Variants in CADPS observed in about 807,000 individuals in gnomAD.
The protein encoded by CADPS is calcium dependent secretion activator.
CADPS carries 57 observed loss-of-function variants against 167.3 expected under a neutral mutation model. That is an observed-to-expected ratio of 0.34 (90% CI 0.28 to 0.42). The LOEUF (loss-of-function observed/expected upper bound fraction) is 0.42, where lower values mean the gene tolerates loss of function less well. Among genes scored for constraint, CADPS ranks in the 20% least tolerant of loss-of-function variants. CADPS has a pLI of 1.00. For missense variants in CADPS, 1,414 were observed against 1,738.1 expected, an observed-to-expected ratio of 0.81 and a Z score of 3.32; for synonymous variants, 676 against 635.3, an observed-to-expected ratio of 1.06 and a Z score of -0.96.
intron 25 of CADPS, among the ~76,000 whole-genome samples, 188 bp downstream of exon 25, chr3:62,466,151 A>C (rs2059908605): frequency 6.6e-6 from 1 of 152,206 alleles, no homozygotes; most frequent in Admixed American, 6.5e-5. Flanking sequence ...CCACTTCATC[A>C]ATTTATCTTC....
At chr3:62,691,276 ACAGAACCC>A (rs1157802889) in intron 3 of CADPS, among the ~76,000 whole-genome samples, 1 of 152,014 alleles carries the variant, frequency 6.6e-6, no homozygotes, top group Non-Finnish European at 1.5e-5. Flanking sequence ...GCCAAAACCT[ACAGAACCC>A]TAATGTAAAC....
At chr3:62,669,123 C>T (rs966058515) in intron 3 of CADPS, among the ~76,000 whole-genome samples, 1 of 152,216 alleles carries the variant, frequency 6.6e-6, no homozygotes, top group Non-Finnish European at 1.5e-5. Context: ...GTGCAAGCCA[C>T]CTGCTGACCT....
intron 3 of CADPS, among the ~76,000 whole-genome samples, chr3:62,733,074 G>C (rs2078244220): frequency 6.6e-6 from 1 of 152,118 alleles, no homozygotes; most frequent in Non-Finnish European, 1.5e-5. Context: ...CTAGGCAATG[G>C]GTTAATCAGA....
intron 8 of CADPS, among the ~76,000 whole-genome samples, chr3:62,571,450 A>G (rs2081269192): frequency 6.6e-6 from 1 of 152,152 alleles, no homozygotes; most frequent in Admixed American, 6.5e-5. Flanking sequence ...TCCTTCTCCA[A>G]AAGCTCTTCT....
rs560130158 is a variant in CADPS, at chr3:62,746,688, A to G, written c.888+6753T>C. Among the ~76,000 whole-genome samples the G allele has an allele frequency of 6.6e-5, 10 of 152,246 alleles. No individual in the cohort carries two copies. The South Asian group carries it at 2.1e-3, about 32-fold the overall frequency. ...ATAAATAAAAAATTTGATGCACCAG[A>G]GACTCTCTCTCTCCCTGTTGCTGGA... is the stretch of plus-strand genomic sequence containing the variant. On this transcript the variant is annotated intron_variant, in intron 3 of 29. Coordinates refer to ENST00000383710, the MANE Select transcript of CADPS (RefSeq NM_003716.4).
At chr3:62,743,636 T>C (rs2080806903) in intron 3 of CADPS, among the ~76,000 whole-genome samples, 1 of 152,194 alleles carries the variant, frequency 6.6e-6, no homozygotes, top group Non-Finnish European at 1.5e-5. Context: ...GCATTCCCTA[T>C]CCTTCAACCA....
chr3:62,647,649 G>A (rs2068891588), intron 5 of CADPS, among the ~76,000 whole-genome samples: 2 of 152,176 alleles, frequency 1.3e-5, no homozygotes, highest in Non-Finnish European at 2.9e-5. Flanking sequence ...ATGAGACGAT[G>A]CACATAAGTG....
At chr3:62,484,182 A>G (rs1319742270) in intron 21 of CADPS, among the ~76,000 whole-genome samples, 1 of 152,202 alleles carries the variant, frequency 6.6e-6, no homozygotes, top group Non-Finnish European at 1.5e-5. Context: ...CAAATTTTAT[A>G]ATGCTCTACT....
intron 13 of CADPS, among the ~76,000 whole-genome samples, chr3:62,524,941 A>T (rs888349222): frequency 1.4e-4 from 21 of 152,300 alleles, no homozygotes; most frequent in Middle Eastern, 3.4e-3. Flanking sequence ...ACAGACAACT[A>T]ATCTTTAGAT....
Position 62,753,393 on chromosome 3 carries a change from G to A in CADPS, c.888+48C>T. 1 of 1,342,944 alleles carries A rather than the reference G, an allele frequency of 7.4e-7. No individual in the cohort carries two copies. Among genetic ancestry groups the A allele is most frequent in the Non-Finnish European group, 1.0e-6 (1 of 962,718 alleles). 83.2% of individuals were successfully genotyped at this position (1,342,944 alleles called of 1,614,324 possible). On this transcript the variant is annotated intron_variant, in intron 3 of 29. Transcript: ENST00000383710. This position sits in a 1 kb window ranked among gnomAD's most constrained non-coding sequence, Gnocchi z 4.6. ...AGAAGTATCTCATAGAAGTTGGAAT[G>A]CAGCTCTGCTTACCCACAGCTCTAG...
In CADPS at chr3:62,499,266, T is replaced by C; in HGVS notation, c.2602A>G (p.Asn868Asp). 6.2e-7 allele frequency: 1 copy of C among 1,603,136 alleles called. No individual in the cohort carries two copies. Among genetic ancestry groups the C allele is most frequent in the Non-Finnish European group, 8.5e-7 (1 of 1,170,100 alleles). The stretch of plus-strand genomic sequence containing the variant: ...GCAGGAGTGATTAACCGGCCTACAT[T>C]TTCTGTAGTACAAGAGTTTGTGTTA... ...KIEENQKDAE[N>D]VGRLITPAKK... The change falls in exon 18 of 30, where the codon AAT becomes GAT. Residue 868 changes from asparagine (N) to aspartate (D), a missense_variant and splice_region_variant. Physicochemically the swap from Asn to Asp is conservative, Grantham distance 23. Transcript: ENST00000383710.
At chr3:62,693,666 T>C (rs1190283067) in intron 3 of CADPS, among the ~76,000 whole-genome samples, 4 of 151,482 alleles carry the variant, frequency 2.6e-5, no homozygotes, top group African/African-American at 9.7e-5. Flanking sequence ...ATGCCCGTAG[T>C]CCCAGCTACT....
At chr3:62,402,964 G>T (rs1575562132) in intron 29 of CADPS, 117 bp downstream of exon 29, 1 of 560,816 alleles carries the variant, frequency 1.8e-6, no homozygotes, top group African/African-American at 1.9e-5. Flanking sequence ...TTTCTTGTAT[G>T]AGATACTATT....
intron 3 of CADPS, among the ~76,000 whole-genome samples, chr3:62,706,773 C>T (rs576910235): frequency 6.6e-6 from 1 of 152,048 alleles, no homozygotes; most frequent in Non-Finnish European, 1.5e-5. Context: ...TTAGGGCTGA[C>T]CCTACTGGCC....
At chr3:62,453,763 T>C (rs1576286699) in intron 26 of CADPS, among the ~76,000 whole-genome samples, 1 of 152,256 alleles carries the variant, frequency 6.6e-6, no homozygotes, top group East Asian at 1.9e-4. Flanking sequence ...TTAAAGTATA[T>C]CTGGAATCAT....
chr3:62,432,406 AC>A (rs1375645319), intron 28 of CADPS, among the ~76,000 whole-genome samples: 1 of 152,106 alleles, frequency 6.6e-6, no homozygotes, highest in Non-Finnish European at 1.5e-5. Flanking sequence ...CCTGACCATC[AC>A]TATTTTGCCT....
intron 8 of CADPS, 64 bp downstream of exon 8, chr3:62,585,121 G>T: frequency 2.0e-6 from 3 of 1,473,496 alleles, no homozygotes; most frequent in Non-Finnish European, 2.8e-6. Flanking sequence ...GTTTATTTTT[G>T]TTTTCATTTT....
At position 62,874,837 on chromosome 3, in the gene CADPS, C is replaced by T. The variant is rs1210752627; in HGVS notation, c.193G>A (p.Gly65Arg). ...CCGCCGCTGCTCGCGCCGCTGCCCCCGCCGCCGCCTGCACCCACCCCGGCT... is the reference window on the plus strand; with the variant it reads ...CCGCCGCTGCTCGCGCCGCTGCCCCTGCCGCCGCCTGCACCCACCCCGGCT... ...AGAGVGAGGG[G>R]GSGASSGGGA... Residue 65 changes from glycine to arginine, a missense_variant, in exon 1 of 30, where the codon GGG becomes AGG. By Grantham distance (125) the Gly-to-Arg change is moderately radical. Coordinates refer to ENST00000383710, the MANE Select transcript of CADPS (RefSeq NM_003716.4). The surrounding 1 kb of genome is among the most constrained non-coding windows in gnomAD (Gnocchi z 7.1). 3 of 1,042,586 alleles carry T rather than the reference C, an allele frequency of 2.9e-6. No individual in the cohort carries two copies. Among genetic ancestry groups the T allele is most frequent in the Admixed American group, 5.4e-5 (1 of 18,438 alleles). 64.6% of individuals were successfully genotyped at this position (1,042,586 alleles called of 1,614,324 possible). A position where few individuals can be genotyped will look rare whatever the true frequency, so the allele number is the denominator to read the frequency against.
At chr3:62,625,642 C>T (rs917336466) in intron 6 of CADPS, 1 of 150,754 alleles carries the variant, frequency 6.6e-6, no homozygotes, top group Non-Finnish European at 1.5e-5. Flanking sequence ...TTTTATACCT[C>T]CTTTTTAGAA....
Sources: gnomAD v4.1 joint callset for allele counts (sites outside exome capture counted in the v4.1 genomes callset) on GRCh38, gnomAD v4.1.1 for gene constraint, Gnocchi (gnomAD v3.1) non-coding constraint, MANE v1.5 for transcripts, NCBI Gene and HGNC (gene_info 2026-07-23, HGNC 2026-07-21) for gene names.